HS3ST4: variants seen among roughly 807,000 people sequenced by gnomAD.
HS3ST4 encodes heparan sulfate glucosamine 3-O-sulfotransferase 4.
A neutral mutation model predicts 29.2 loss-of-function variants in HS3ST4; 17 were observed. The observed-to-expected ratio is 0.58, with a 90% confidence interval of 0.40 to 0.87. The LOEUF is 0.87. Ranked by LOEUF, HS3ST4 falls within the 40% of genes least tolerant of loss-of-function variation. HS3ST4 has a pLI of 0.00. For synonymous variants in HS3ST4, 314 were observed against 285.7 expected (o/e 1.10, Z -1.00); for missense variants, 627 against 634.5 (o/e 0.99, Z 0.13).
chr16:25,774,946 T>C (rs1966846258), intron 1 of HS3ST4, among the ~76,000 whole-genome samples: 1 of 152,192 alleles, frequency 6.6e-6, no homozygotes, highest in African/African-American at 2.4e-5. Context: ...GCATGGCATC[T>C]GGTGGCTTTG....
At chr16:25,700,435 A>G (rs1363534565) in intron 1 of HS3ST4, among the ~76,000 whole-genome samples, 1 of 152,192 alleles carries the variant, frequency 6.6e-6, no homozygotes. Context: ...CCAAGACCCT[A>G]CGAAACCCTC....
At chr16:25,733,078 C>T (rs1223301047) in intron 1 of HS3ST4, among the ~76,000 whole-genome samples, 1 of 152,152 alleles carries the variant, frequency 6.6e-6, no homozygotes, top group African/African-American at 2.4e-5. Context: ...AATGTAGGGA[C>T]TTTCTAGAAC....
At chr16:25,882,930 T>A (rs1234461904) in intron 1 of HS3ST4, among the ~76,000 whole-genome samples, 7 of 152,178 alleles carry the variant, frequency 4.6e-5, no homozygotes, top group African/African-American at 1.7e-4. Context: ...GTCATTCCTG[T>A]TCTACTGCTC....
intron 1 of HS3ST4, among the ~76,000 whole-genome samples, chr16:25,706,654 T>C (rs1271180235): frequency 6.6e-6 from 1 of 152,108 alleles, no homozygotes; most frequent in Non-Finnish European, 1.5e-5. Context: ...TTTCTAACCC[T>C]CTGTGCTAGA....
intron 1 of HS3ST4, among the ~76,000 whole-genome samples, chr16:25,958,214 G>C (rs1968756205): frequency 6.6e-6 from 1 of 152,224 alleles, no homozygotes; most frequent in South Asian, 2.1e-4. Context: ...CAGATGCCAT[G>C]GAAACTTTGG....
chr16:25,707,384 C>T (rs1166784129), intron 1 of HS3ST4, among the ~76,000 whole-genome samples: 2 of 152,064 alleles, frequency 1.3e-5, no homozygotes, highest in East Asian at 1.9e-4. Flanking sequence ...TCTTACTGTA[C>T]CTAATTTATA....
chr16:26,110,032 A>T (rs897345678), intron 1 of HS3ST4, among the ~76,000 whole-genome samples: 1 of 152,060 alleles, frequency 6.6e-6, no homozygotes, highest in African/African-American at 2.4e-5. Flanking sequence ...ATTGACCGAT[A>T]TTTTCCTGTT....
intron 1 of HS3ST4, among the ~76,000 whole-genome samples, chr16:25,875,864 T>C (rs904174818): frequency 2.6e-5 from 4 of 152,100 alleles, no homozygotes; most frequent in Non-Finnish European, 4.4e-5. Flanking sequence ...TTCTTGCCCC[T>C]GATTCCCTGC....
Position 25,692,944 on chromosome 16 carries a change from C to CGGCCAACGGGAGCAGCGAGGGG in HS3ST4, c.546_547insGGGGGCCAACGGGAGCAGCGAG (p.Arg183GlyfsTer94). On this transcript the variant is annotated frameshift_variant, in exon 1 of 2. Coordinates refer to ENST00000331351, the MANE Select transcript of HS3ST4 (RefSeq NM_006040.3). LOFTEE classifies it high-confidence loss of function. Reference sequence around the variant, plus strand: ...GACGAGGATCTCGCAGGCCGGAGAGCGGCCAACGGGAGCAGCGAGAGGGGC... The same window carrying CGGCCAACGGGAGCAGCGAGGGG: ...GACGAGGATCTCGCAGGCCGGAGAGCGGCCAACGGGAGCAGCGAGGGGGGCCAACGGGAGCAGCGAGAGGGGC... The CGGCCAACGGGAGCAGCGAGGGG allele has an allele frequency of 6.2e-7, 1 of 1,608,676 alleles. No homozygotes were observed.
Position 25,876,388 on chromosome 16 carries a change from C to T in HS3ST4, c.734+183237C>T, listed in dbSNP as rs539696962. On this transcript the variant is annotated intron_variant, in intron 1 of 1. Coordinates refer to ENST00000331351, the MANE Select transcript of HS3ST4 (RefSeq NM_006040.3). ...GGGCATAAATAATGCCAACAGGATC[C>T]AGCCTTTGGCATGCTTCTTATGAGT... Among the ~76,000 whole-genome samples, 7 of 152,224 alleles carry T rather than the reference C, an allele frequency of 4.6e-5. No individual in the cohort carries two copies. In the South Asian group the frequency reaches 1.2e-3, roughly 27 times the overall value.
chr16:26,095,958 A>G (rs1180696259), intron 1 of HS3ST4, among the ~76,000 whole-genome samples: 3 of 152,238 alleles, frequency 2.0e-5, no homozygotes, highest in African/African-American at 7.2e-5. Flanking sequence ...CCACAGAAAT[A>G]CAAACTGCCA....
intron 1 of HS3ST4, among the ~76,000 whole-genome samples, chr16:26,059,243 G>A (rs1246280478): frequency 2.6e-5 from 4 of 151,934 alleles, no homozygotes; most frequent in African/African-American, 9.7e-5. Context: ...GCTGTATTTG[G>A]GCTGTTTTTT....
chr16:25,745,619 C>T (rs1486413922), intron 1 of HS3ST4, among the ~76,000 whole-genome samples: 1 of 152,134 alleles, frequency 6.6e-6, no homozygotes, highest in Non-Finnish European at 1.5e-5. Context: ...CTACCACAAC[C>T]ATCAGGGCAT....
chr16:26,021,411 TCTTACACTCAAC>T (rs1180295083), intron 1 of HS3ST4, among the ~76,000 whole-genome samples: 2 of 152,190 alleles, frequency 1.3e-5, no homozygotes, highest in Non-Finnish European at 2.9e-5. Context: ...TTCCCTATTA[TCTTACACTCAAC>T]CCACTTTACT....
intron 1 of HS3ST4, among the ~76,000 whole-genome samples, chr16:25,707,901 C>G (rs940285574): frequency 2.0e-5 from 3 of 152,160 alleles, no homozygotes; most frequent in African/African-American, 4.8e-5. Flanking sequence ...GTGGCTTTTT[C>G]TTGTACCACC....
At chr16:26,049,599 C>T (rs1213066560) in intron 1 of HS3ST4, among the ~76,000 whole-genome samples, 1 of 151,976 alleles carries the variant, frequency 6.6e-6, no homozygotes, top group African/African-American at 2.4e-5. Context: ...TTTTCCCCCA[C>T]ACACCAAGCA....
At chr16:25,851,439 C>G (rs1206200298) in intron 1 of HS3ST4, among the ~76,000 whole-genome samples, 1 of 152,174 alleles carries the variant, frequency 6.6e-6, no homozygotes, top group Non-Finnish European at 1.5e-5. Flanking sequence ...GAGCCATCTT[C>G]CCAAGTCTTC....
chr16:25,983,115 A>G (rs62034494), intron 1 of HS3ST4, among the ~76,000 whole-genome samples: 8,455 of 152,228 alleles, frequency 0.056, 335 homozygotes, highest in Middle Eastern at 0.092. Flanking sequence ...TAGGAGGAGA[A>G]TGAGTGGAAT....
At chr16:25,722,687 C>T (rs957216694) in intron 1 of HS3ST4, among the ~76,000 whole-genome samples, 1 of 152,188 alleles carries the variant, frequency 6.6e-6, no homozygotes, top group East Asian at 1.9e-4. Flanking sequence ...GGCTCTGGAG[C>T]CAACTGCTTG....
Sources: gnomAD v4.1 joint callset for allele counts (sites outside exome capture counted in the v4.1 genomes callset) on GRCh38, gnomAD v4.1.1 for gene constraint, MANE v1.5 for transcripts, NCBI Gene and HGNC (gene_info 2026-07-23, HGNC 2026-07-21) for gene names.